Variants in RAB1A observed in about 807,000 individuals in gnomAD.
RAB1A encodes ras-related protein Rab-1A.
A neutral mutation model predicts 26.0 loss-of-function variants in RAB1A; 2 were observed. The ratio of observed to expected loss-of-function variants is 0.08; its 90% CI spans 0.03 to 0.24. RAB1A has a LOEUF of 0.24. RAB1A is among the 10% of genes least tolerant of loss of function. The probability of loss-of-function intolerance (pLI) is 1.00; values close to 1 mark genes in which losing one functional copy is unlikely to be tolerated. For synonymous variants in RAB1A, 84 were observed against 84.9 expected (o/e 0.99, Z 0.06); for missense variants, 100 against 247.0 (o/e 0.40, Z 3.99).
chr2:65,102,606 C>T (rs1255795335), intron 2 of RAB1A, among the ~76,000 whole-genome samples: 1 of 146,320 alleles, frequency 6.8e-6, no homozygotes, highest in African/African-American at 2.5e-5. Context: ...TCTAATCTGT[C>T]TGTTAGCTGT....
intron 2 of RAB1A, among the ~76,000 whole-genome samples, chr2:65,100,524 C>A (rs550526741): frequency 6.6e-6 from 1 of 151,668 alleles, no homozygotes; most frequent in East Asian, 1.9e-4. Context: ...CTTTGGGAGG[C>A]CAAGGTGGGA....
chr2:65,123,078 C>T (rs964975126), intron 1 of RAB1A, among the ~76,000 whole-genome samples: 1 of 60,702 alleles, frequency 1.6e-5, no homozygotes, highest in African/African-American at 7.0e-5. Flanking sequence ...ATAGTCAAAA[C>T]TACCCAGAAG....
chr2:65,108,647 A>T (rs1451813805), intron 1 of RAB1A, among the ~76,000 whole-genome samples: 1 of 151,910 alleles, frequency 6.6e-6, no homozygotes, highest in Non-Finnish European at 1.5e-5. Flanking sequence ...TCTTTACTAA[A>T]AATACAAAAT....
intron 1 of RAB1A, among the ~76,000 whole-genome samples, chr2:65,120,210 C>T (rs948765303): frequency 6.6e-6 from 1 of 152,080 alleles, no homozygotes; most frequent in African/African-American, 2.4e-5. Flanking sequence ...GTAATCCCAG[C>T]ACTTTGGGAG....
rs1231811403 is a variant in RAB1A at position 65,115,746 on chromosome 2, T to TA, written c.24-10941dup. Among the ~76,000 whole-genome samples the TA allele has an allele frequency of 7.9e-5, 12 of 152,176 alleles. No individual in the cohort carries two copies. In the South Asian group the frequency reaches 2.3e-3, roughly 29 times the overall value. Reference sequence around the variant, plus strand: ...ATGCTTCCATTCAGATGAACCATCTTAAAAAAAATTGTTCCCATAATCAAC... The same window carrying TA: ...ATGCTTCCATTCAGATGAACCATCTTAAAAAAAAATTGTTCCCATAATCAAC... On this transcript the variant is annotated intron_variant, in intron 1 of 5. Transcript: ENST00000409784.
chr2:65,128,640 CAT>C (rs1491138099), intron 1 of RAB1A, among the ~76,000 whole-genome samples: 3 of 152,192 alleles, frequency 2.0e-5, no homozygotes, highest in Non-Finnish European at 4.4e-5. Flanking sequence ...ATGTGACACA[CAT>C]ATGACAGTCA....
chr2:65,118,035 G>GT (rs1377520313), intron 1 of RAB1A, among the ~76,000 whole-genome samples: 1 of 152,156 alleles, frequency 6.6e-6, no homozygotes, highest in Non-Finnish European at 1.5e-5. Context: ...TTCCTTGTTT[G>GT]TAAAACTAGG....
intron 1 of RAB1A, among the ~76,000 whole-genome samples, chr2:65,116,356 G>C (rs555509213): frequency 4.6e-5 from 7 of 152,142 alleles, no homozygotes; most frequent in South Asian, 2.1e-4. Flanking sequence ...ACCTCTCAAA[G>C]CCTGCATGGG....
At chr2:65,093,181 A>T (rs1011221395) in intron 3 of RAB1A, among the ~76,000 whole-genome samples, 6 of 152,216 alleles carry the variant, frequency 3.9e-5, no homozygotes, top group Non-Finnish European at 5.9e-5. Flanking sequence ...CTTTCCTGAC[A>T]CTAAATCCTA....
intron 1 of RAB1A, among the ~76,000 whole-genome samples, chr2:65,125,382 G>C (rs1389138470): frequency 6.7e-6 from 1 of 148,556 alleles, no homozygotes; most frequent in Non-Finnish European, 1.5e-5. Context: ...TATGAAAAAT[G>C]TTATGAGAAT....
Position 65,104,816 on chromosome 2 carries a change from G to T in RAB1A, c.24-10C>A. On this transcript the variant is annotated splice_polypyrimidine_tract_variant and intron_variant, in intron 1 of 5. Transcript: ENST00000409784. ...CTTGAATAAATAATCACTGCAAAAA[G>T]AAAAAGAAAATGATGTTAATAAAAA... 1.2e-6 allele frequency: 2 copies of T among 1,600,888 alleles called. No homozygotes were observed. The highest frequency in any genetic ancestry group is 1.7e-6 in the Non-Finnish European group (2 of 1,168,556).
intron 1 of RAB1A, among the ~76,000 whole-genome samples, chr2:65,110,314 G>A (rs1355436974): frequency 6.6e-6 from 1 of 151,830 alleles, no homozygotes; most frequent in Non-Finnish European, 1.5e-5. Flanking sequence ...GGCGGCACAC[G>A]CCTGTAGTCC....
chr2:65,098,403 A>G (rs1424814063), intron 2 of RAB1A, among the ~76,000 whole-genome samples: 1 of 152,182 alleles, frequency 6.6e-6, no homozygotes, highest in Non-Finnish European at 1.5e-5. Context: ...TATATTTTCA[A>G]TGATTATGAA....
chr2:65,122,996 GCAAGCTCTTCTTTACTATC>G (rs1670005722), intron 1 of RAB1A, among the ~76,000 whole-genome samples: 2 of 107,814 alleles, frequency 1.9e-5, no homozygotes, highest in Non-Finnish European at 3.9e-5. Flanking sequence ...AAAAAAAAAA[GCAAGCTCTTCTTTACTATC>G]CAAAATAAAA....
chr2:65,107,103 T>C (rs1001821938), intron 1 of RAB1A, among the ~76,000 whole-genome samples: 1 of 151,908 alleles, frequency 6.6e-6, no homozygotes, highest in African/African-American at 2.4e-5. Context: ...TCTCGCTCTG[T>C]TGCCCAGGCT....
At chr2:65,110,498 C>T (rs1669670489) in intron 1 of RAB1A, among the ~76,000 whole-genome samples, 1 of 148,550 alleles carries the variant, frequency 6.7e-6, no homozygotes, top group Admixed American at 6.7e-5. Flanking sequence ...AAATTAAGTA[C>T]GTATTAGATT....
intron 1 of RAB1A, 40 bp from the exon 2 acceptor site, chr2:65,104,846 A>C (rs761176522): frequency 6.9e-7 from 1 of 1,447,500 alleles, no homozygotes; most frequent in South Asian, 1.1e-5. Context: ...TAAAAAGCAC[A>C]CTGCATTGCT....
At chr2:65,123,169 A>ATTT (rs571655114) in intron 1 of RAB1A, among the ~76,000 whole-genome samples, 8 of 136,054 alleles carry the variant, frequency 5.9e-5, no homozygotes, top group East Asian at 2.1e-4. Context: ...ACATACGTAA[A>ATTT]TTTTTTTTTT....
chr2:65,106,119 C>T (rs1669552448), intron 1 of RAB1A, among the ~76,000 whole-genome samples: 2 of 151,970 alleles, frequency 1.3e-5, no homozygotes, highest in African/African-American at 4.8e-5. Context: ...AAAAACTATC[C>T]CCAGAGATTC....
Sources: allele counts gnomAD v4.1 joint callset (sites outside exome capture counted in the v4.1 genomes callset), GRCh38; gene constraint gnomAD v4.1.1; transcripts MANE v1.5; gene names NCBI Gene and HGNC (gene_info 2026-07-23, HGNC 2026-07-21).